The following SLC37A2 variants were observed in gnomAD, a reference collection of about 807,000 sequenced individuals.
The protein encoded by SLC37A2 is glucose-6-phosphate exchanger SLC37A2.
In SLC37A2, 59 loss-of-function variants were observed where a neutral mutation model predicts 70.7. That is an observed-to-expected ratio of 0.83 (90% confidence interval 0.68 to 1.04). The LOEUF is 1.04. SLC37A2 is among the 50% of genes least tolerant of loss of function. SLC37A2 has a pLI of 0.00. For synonymous variants in SLC37A2, 257 were observed against 262.1 expected (o/e 0.98, Z 0.19); for missense variants, 580 against 658.1 (o/e 0.88, Z 1.30).
rs142078648 is a variant in SLC37A2, at chr11:125,066,062, G to A, written c.59+2636G>A. On this transcript the variant is annotated intron_variant, in intron 1 of 17. Coordinates refer to ENST00000403796, the MANE Select transcript of SLC37A2 (RefSeq NM_001145290.2). Reference sequence around the variant, plus strand: ...GGTCCTGTGTGATTAATTCTGTCCCGCTGAATCTTGGGTTAGCAATCTCAA... The same window carrying A: ...GGTCCTGTGTGATTAATTCTGTCCCACTGAATCTTGGGTTAGCAATCTCAA... 2.1e-4 allele frequency among the ~76,000 whole-genome samples: 32 copies of A among 152,250 alleles called. No homozygotes were observed. The East Asian group carries it at 3.3e-3, about 16-fold the overall frequency.
intron 2 of SLC37A2, 36 bp from the exon 3 acceptor site, chr11:125,077,194 T>G (rs1591630878): frequency 6.6e-7 from 1 of 1,510,628 alleles, no homozygotes; most frequent in Non-Finnish European, 8.9e-7. Context: ...CCCCTCTGGG[T>G]CAACCCCTGA....
chr11:125,082,746 T>C (rs10750294), intron 10 of SLC37A2, among the ~76,000 whole-genome samples: 120,988 of 151,924 alleles, frequency 0.8, 49,086 homozygotes, highest in East Asian at 0.96. Flanking sequence ...GCCTGGTGAG[T>C]GACCCCACTC....
chr11:125,080,643 C>G lies in SLC37A2; in HGVS notation c.557C>G (p.Ser186Cys). 5.2e-6 allele frequency: 8 copies of G among 1,533,920 alleles called. No homozygotes were observed. Among genetic ancestry groups the G allele is most frequent in the Non-Finnish European group, 7.0e-6 (8 of 1,138,202 alleles). Reference sequence around the variant, plus strand: ...GGGTTCATCATGGGCATCTGGAATTCCCACACATCTGTGGGCAACATCCTG... The same window carrying G: ...GGGTTCATCATGGGCATCTGGAATTGCCACACATCTGTGGGCAACATCCTG... ...KRGFIMGIWN[S>C]HTSVGNILGS... The change falls in exon 7 of 18, where the codon TCC becomes TGC. Residue 186 changes from serine (S) to cysteine (C), a missense_variant. Ser to Cys is a moderately radical substitution (Grantham distance 112). Transcript: ENST00000403796. This position sits in a 1 kb window ranked among gnomAD's most constrained non-coding sequence, Gnocchi z 4.3.
In SLC37A2 at chr11:125,081,474, C is replaced by A; in HGVS notation, c.732+16C>A. Reference sequence around the variant, plus strand: ...TCAGCACCACGTGAGTGTGAGCCCTCCCAGCCCTATCCCTGCCCTCCAACT... The same window carrying A: ...TCAGCACCACGTGAGTGTGAGCCCTACCAGCCCTATCCCTGCCCTCCAACT... On this transcript the variant is annotated intron_variant, in intron 8 of 17. Coordinates refer to ENST00000403796, the MANE Select transcript of SLC37A2 (RefSeq NM_001145290.2). 6.2e-7 allele frequency: 1 copy of A among 1,606,914 alleles called. No individual in the cohort carries two copies. The highest frequency in any genetic ancestry group is 8.5e-7 in the Non-Finnish European group (1 of 1,175,702).
rs753811914 is a variant in SLC37A2, at chr11:125,077,283, C to A, written c.195C>A (p.His65Gln). ...SEQIKPINDT[H>Q]SLNDTMWCSW... ...AGATCAAACCCATCAATGATACTCACAGTCTCAATGACACCATGTGGTGCA... is the reference window on the plus strand; with the variant it reads ...AGATCAAACCCATCAATGATACTCAAAGTCTCAATGACACCATGTGGTGCA... The change falls in exon 3 of 18, where the codon CAC (histidine) becomes CAA (glutamine). Residue 65 changes from histidine (H) to glutamine (Q), a missense_variant. Transcript: ENST00000403796. The A allele has an allele frequency of 7.5e-6, 12 of 1,608,640 alleles. No homozygotes were observed. In the East Asian group the frequency reaches 2.2e-4, roughly 30 times the overall value.
At position 125,083,949 on chromosome 11, in the gene SLC37A2, A is replaced by C; in HGVS notation, c.1039+72A>C. ...CTTGTGGGGTGCAGGAAGAAGGGAC[A>C]GGTCCGATGGGCTATGACCTGGGTA... is the stretch of plus-strand genomic sequence containing the variant. On this transcript the variant is annotated intron_variant, in intron 11 of 17. Coordinates refer to ENST00000403796, the MANE Select transcript of SLC37A2 (RefSeq NM_001145290.2). The surrounding 1 kb of genome is among the most constrained non-coding windows in gnomAD (Gnocchi z 4.6). 1 of 1,461,278 alleles carries C rather than the reference A, an allele frequency of 6.8e-7. No homozygotes were observed. Among genetic ancestry groups the C allele is most frequent in the Non-Finnish European group, 9.6e-7 (1 of 1,043,508 alleles). The allele number at this position is 1,461,278 out of a possible 1,614,324, so 90.5% of individuals were successfully genotyped here. A position where few individuals can be genotyped will look rare whatever the true frequency, so the allele number is the denominator to read the frequency against.
At position 125,079,236 on chromosome 11, in the gene SLC37A2, G is replaced by A. The variant is rs765944163; in HGVS notation, c.439G>A (p.Val147Met). Reference protein sequence around the residue: ...FWNIHELWYFVVIQVCNGLVQ... With the variant: ...FWNIHELWYFMVIQVCNGLVQ... ...GAACATCCACGAGCTCTGGTACTTTGTGGTCATCCAGGTATGAATCACCGT... is the reference window on the plus strand; with the variant it reads ...GAACATCCACGAGCTCTGGTACTTTATGGTCATCCAGGTATGAATCACCGT... The change falls in exon 5 of 18, where the codon GTG (valine) becomes ATG (methionine). Residue 147 changes from valine to methionine, a missense_variant. Val to Met is a conservative substitution (Grantham distance 21). Transcript: ENST00000403796. 1.9e-6 allele frequency: 3 copies of A among 1,614,112 alleles called. No homozygotes were observed. Among genetic ancestry groups the A allele is most frequent in the Non-Finnish European group, 2.5e-6 (3 of 1,180,012 alleles).
chr11:125,070,818 T>G (rs959806871), intron 1 of SLC37A2, among the ~76,000 whole-genome samples: 31 of 152,194 alleles, frequency 2.0e-4, no homozygotes, highest in African/African-American at 7.5e-4. Flanking sequence ...AGCTGCTTTT[T>G]GGGCTTCCTC....
Position 125,083,762 on chromosome 11 carries a change from C to T in SLC37A2, c.977-53C>T. The T allele has an allele frequency of 2.0e-6, 3 of 1,510,954 alleles. No homozygotes were observed. Among genetic ancestry groups the T allele is most frequent in the Admixed American group, 1.7e-5 (1 of 59,892 alleles). 93.6% of individuals were successfully genotyped at this position (1,510,954 alleles called of 1,614,324 possible). On this transcript the variant is annotated intron_variant, in intron 10 of 17. Coordinates refer to ENST00000403796, the MANE Select transcript of SLC37A2 (RefSeq NM_001145290.2). This position sits in a 1 kb window ranked among gnomAD's most constrained non-coding sequence, Gnocchi z 4.6. ...TGCAGGGCTTCTAGCTGTGACACTC[C>T]AGGATGTTTGCCCCAAACCCCAGGT...
At chr11:125,066,963 C>CTTTTATTT (rs149737209) in intron 1 of SLC37A2, among the ~76,000 whole-genome samples, 1 of 150,618 alleles carries the variant, frequency 6.6e-6, no homozygotes, top group African/African-American at 2.5e-5. Flanking sequence ...AGCCTAGTAA[C>CTTTTATTT]TATTTTATTT....
intron 2 of SLC37A2, 64 bp from the exon 3 acceptor site, chr11:125,077,166 G>A: frequency 7.9e-7 from 1 of 1,263,080 alleles, no homozygotes; most frequent in South Asian, 1.4e-5. Context: ...GTATGGTTGG[G>A]GCAGGTGGTT....
At position 125,080,709 on chromosome 11, in the gene SLC37A2, G is replaced by A; in HGVS notation, c.623G>A (p.Gly208Asp). ...IAGIWVNGQWGLSFIVPGIIT... is the reference protein window; with the variant it reads ...IAGIWVNGQWDLSFIVPGIIT... ...GGCATCTGGGTGAACGGGCAGTGGG[G>A]CCTGTCGTTCATCGTGCCTGGCATC... The change falls in exon 7 of 18, where the codon GGC (glycine) becomes GAC (aspartate). Residue 208 changes from glycine to aspartate, a missense_variant. By Grantham distance (94) the Gly-to-Asp change is moderately conservative. Transcript: ENST00000403796. The surrounding 1 kb of genome is among the most constrained non-coding windows in gnomAD (Gnocchi z 4.3). The A allele has an allele frequency of 6.3e-7, 1 of 1,577,042 alleles. No homozygotes were observed. Among genetic ancestry groups the A allele is most frequent in the Non-Finnish European group, 8.6e-7 (1 of 1,160,738 alleles).
At chr11:125,086,403 A>ATGG (rs1949216198) in intron 17 of SLC37A2, 1 of 735,812 alleles carries the variant, frequency 1.4e-6, no homozygotes, top group East Asian at 2.5e-5. Flanking sequence ...TCAGCAGAGC[A>ATGG]TGGTGCTTGG....
intron 1 of SLC37A2, among the ~76,000 whole-genome samples, chr11:125,074,369 C>T (rs1011120614): frequency 3.3e-5 from 5 of 151,992 alleles, no homozygotes; most frequent in East Asian, 2.0e-4. Flanking sequence ...ATTCCGCTCA[C>T]GGATTCTCTT....
chr11:125,067,943 TAG>T (rs1271526716), intron 1 of SLC37A2, among the ~76,000 whole-genome samples: 1 of 152,202 alleles, frequency 6.6e-6, no homozygotes, highest in Non-Finnish European at 1.5e-5. Context: ...TTGTTCCTAG[TAG>T]AGTCTCATTC....
chr11:125,085,696 GA>G, intron 16 of SLC37A2, 22 bp downstream of exon 16: 1 of 1,607,038 alleles, frequency 6.2e-7, no homozygotes, highest in East Asian at 2.2e-5. Flanking sequence ...GGGGTACACA[GA>G]TAGGTATTGA....
chr11:125,068,430 C>T (rs1949001074), intron 1 of SLC37A2, among the ~76,000 whole-genome samples: 1 of 152,144 alleles, frequency 6.6e-6, no homozygotes, highest in Non-Finnish European at 1.5e-5. Context: ...TTATGCTGAG[C>T]TCTGAGGCCT....
chr11:125,067,582 C>CT (rs1948994537), intron 1 of SLC37A2, among the ~76,000 whole-genome samples: 1 of 152,200 alleles, frequency 6.6e-6, no homozygotes, highest in African/African-American at 2.4e-5. Flanking sequence ...CTAATGATTT[C>CT]TAGCACCTCT....
At chr11:125,065,103 C>A (rs1430688018) in intron 1 of SLC37A2, among the ~76,000 whole-genome samples, 1 of 152,150 alleles carries the variant, frequency 6.6e-6, no homozygotes, top group Non-Finnish European at 1.5e-5. Context: ...TCTCAGTTAC[C>A]TACCACTTCA....
Sources: gnomAD v4.1 joint callset for allele counts (sites outside exome capture counted in the v4.1 genomes callset) on GRCh38, gnomAD v4.1.1 for gene constraint, Gnocchi (gnomAD v3.1) non-coding constraint, MANE v1.5 for transcripts, NCBI Gene and HGNC (gene_info 2026-07-23, HGNC 2026-07-21) for gene names.